Variants in MAGI2 observed in about 807,000 individuals in gnomAD.
MAGI2 encodes membrane associated guanylate kinase, WW and PDZ domain containing 2.
Under a neutral mutation model 133.3 loss-of-function variants are expected in MAGI2, and 35 were observed. The observed-to-expected ratio is 0.26, with a 90% CI of 0.20 to 0.35. The LOEUF (loss-of-function observed/expected upper bound fraction) is 0.35, where lower values mean the gene tolerates loss of function less well. Ranked by LOEUF, MAGI2 falls within the 10% of genes least tolerant of loss-of-function variation. The pLI is 1.00. For synonymous variants in MAGI2, 729 were observed against 710.6 expected (o/e 1.03, Z -0.41); for missense variants, 1,636 against 1,863.4 (o/e 0.88, Z 2.25).
intron 2 of MAGI2, among the ~76,000 whole-genome samples, chr7:78,944,286 T>G (rs1284438338): frequency 6.6e-6 from 1 of 152,166 alleles, no homozygotes; most frequent in East Asian, 1.9e-4. Flanking sequence ...GAATGTGACA[T>G]AAGTTCCATG....
In MAGI2 at chr7:78,134,658, A is replaced by AT. The variant is rs576268644; in HGVS notation, c.3031+362dup. The AT allele has an allele frequency of 7.2e-3, 1,231 of 171,382 alleles. 9 individuals carry two copies. The highest frequency in any genetic ancestry group is 0.019 in the African/African-American group (796 of 41,886). 10.6% of individuals were successfully genotyped at this position (171,382 alleles called of 1,614,324 possible). On this transcript the variant is annotated intron_variant, in intron 17 of 21. Transcript: ENST00000354212. Reference sequence around the variant, plus strand: ...CTCTAGAGATTTACTGTTAACATAAATTTTTTTTTTCAGATTTGTAACTCT... The same window carrying AT: ...CTCTAGAGATTTACTGTTAACATAAATTTTTTTTTTTCAGATTTGTAACTCT...
chr7:79,278,068 G>C (rs903897254), intron 1 of MAGI2, among the ~76,000 whole-genome samples: 9 of 152,264 alleles, frequency 5.9e-5, no homozygotes, highest in Admixed American at 3.9e-4. Context: ...AGTGTTGGAG[G>C]TGGGCCTAGT....
chr7:78,704,124 A>C (rs1214166560), intron 2 of MAGI2, among the ~76,000 whole-genome samples: 1 of 152,108 alleles, frequency 6.6e-6, no homozygotes, highest in Non-Finnish European at 1.5e-5. Flanking sequence ...TCAACAGAGT[A>C]AACAGACAAC....
intron 3 of MAGI2, among the ~76,000 whole-genome samples, chr7:78,603,029 T>A (rs1250138962): frequency 6.6e-6 from 1 of 152,136 alleles, no homozygotes; most frequent in Non-Finnish European, 1.5e-5. Flanking sequence ...AAAAGCAAGC[T>A]CCTTACACAA....
intron 1 of MAGI2, chr7:79,411,419 A>G (rs1433855449): frequency 6.6e-6 from 1 of 152,170 alleles, no homozygotes; most frequent in Non-Finnish European, 1.5e-5. Context: ...ATGTGAAAAC[A>G]ACGACAACAA....
At position 79,041,731 on chromosome 7, in the gene MAGI2, A is replaced by G. The variant is rs143822828; in HGVS notation, c.302-34525T>C. ...ACATAATTTCAAATGTTTCTGACAT[A>G]TTTCTAAGATGACTTAATAGGGAAA... On this transcript the variant is annotated intron_variant, in intron 1 of 21. Transcript: ENST00000354212. Among the ~76,000 whole-genome samples, 85 of 152,302 alleles carry G rather than the reference A, an allele frequency of 5.6e-4. 2 individuals carry two copies. In the Middle Eastern group the frequency reaches 0.037, roughly 67 times the overall value.
At chr7:79,420,089 T>C (rs2129178823) in intron 1 of MAGI2, among the ~76,000 whole-genome samples, 1 of 152,174 alleles carries the variant, frequency 6.6e-6, no homozygotes, top group Middle Eastern at 3.4e-3. Context: ...AACCTAATTT[T>C]AGATAGCCTG....
intron 6 of MAGI2, among the ~76,000 whole-genome samples, chr7:78,410,071 A>AC (rs1241289695): frequency 1.3e-5 from 2 of 151,766 alleles, no homozygotes; most frequent in Non-Finnish European, 2.9e-5. Context: ...TCAGTCCACG[A>AC]CCCCCGGGAA....
chr7:78,541,504 G>A (rs1798413626), intron 3 of MAGI2, among the ~76,000 whole-genome samples: 2 of 152,286 alleles, frequency 1.3e-5, no homozygotes, highest in East Asian at 1.9e-4. Context: ...CTCACATCCT[G>A]TAAAGAAAGA....
chr7:78,054,983 C>A (rs1812416902), intron 21 of MAGI2, among the ~76,000 whole-genome samples: 2 of 151,754 alleles, frequency 1.3e-5, no homozygotes. Context: ...TATTTCTTAA[C>A]CTTATTTCAT....
chr7:78,506,863 G>C (rs57564479), intron 4 of MAGI2, among the ~76,000 whole-genome samples: 10,263 of 152,236 alleles, frequency 0.067, 681 homozygotes, highest in African/African-American at 0.18. Flanking sequence ...TTGGACAAAT[G>C]AACTTTCCTT....
chr7:78,041,075 C>G (rs1370833058), intron 21 of MAGI2, among the ~76,000 whole-genome samples: 1 of 152,140 alleles, frequency 6.6e-6, no homozygotes, highest in Non-Finnish European at 1.5e-5. Context: ...TCTGATTCTT[C>G]TCACCTGAAG....
intron 20 of MAGI2, among the ~76,000 whole-genome samples, chr7:78,092,933 C>T (rs1817344065): frequency 6.6e-6 from 1 of 151,836 alleles, no homozygotes. Context: ...GCAGTTTTGG[C>T]TGTTGAAAGT....
intron 2 of MAGI2, among the ~76,000 whole-genome samples, chr7:78,949,471 T>G (rs1282114734): frequency 6.6e-6 from 1 of 152,144 alleles, no homozygotes; most frequent in Non-Finnish European, 1.5e-5. Flanking sequence ...GAGTGATATC[T>G]AGCACAATGG....
intron 3 of MAGI2, among the ~76,000 whole-genome samples, chr7:78,549,727 T>C (rs1799173614): frequency 6.6e-6 from 1 of 152,224 alleles, no homozygotes; most frequent in African/African-American, 2.4e-5. Flanking sequence ...AAACCTACTA[T>C]ATATTTCCTA....
chr7:78,979,701 C>T (rs1584564590), intron 2 of MAGI2, among the ~76,000 whole-genome samples: 1 of 151,294 alleles, frequency 6.6e-6, no homozygotes, highest in East Asian at 2.0e-4. Context: ...GCTCATCTGA[C>T]CAGTGTTGGG....
chr7:78,086,337 G>A (rs1271894328), intron 20 of MAGI2, among the ~76,000 whole-genome samples: 2 of 147,512 alleles, frequency 1.4e-5, no homozygotes, highest in African/African-American at 5.0e-5. Context: ...TCCTAGGTTT[G>A]AGTGATTATC....
chr7:78,666,726 A>G, intron 2 of MAGI2, among the ~76,000 whole-genome samples: 1 of 152,220 alleles, frequency 6.6e-6, no homozygotes, highest in East Asian at 1.9e-4. Flanking sequence ...GATTCTTACC[A>G]TAAGGCTATT....
chr7:78,265,645 G>A (rs1031541703), intron 9 of MAGI2, among the ~76,000 whole-genome samples: 2 of 152,180 alleles, frequency 1.3e-5, no homozygotes, highest in African/African-American at 4.8e-5. Flanking sequence ...GGACACACCT[G>A]TGGACTCAAC....
Sources: allele counts gnomAD v4.1 joint callset (sites outside exome capture counted in the v4.1 genomes callset), GRCh38; gene constraint gnomAD v4.1.1; transcripts MANE v1.5; gene names NCBI Gene and HGNC (gene_info 2026-07-23, HGNC 2026-07-21).